Variants in GIPC1 observed in about 807,000 individuals in gnomAD.
GIPC1 encodes GIPC PDZ domain containing family member 1.
In GIPC1, 15 loss-of-function variants were observed where a neutral mutation model predicts 28.5. That is an observed-to-expected ratio of 0.53 (90% confidence interval 0.35 to 0.81). The LOEUF is 0.81. Ranked by LOEUF, GIPC1 falls within the 30% of genes least tolerant of loss-of-function variation. GIPC1 has a pLI of 0.01. For synonymous variants in GIPC1, 224 were observed against 206.1 expected (o/e 1.09, Z -0.74); for missense variants, 439 against 481.9 (o/e 0.91, Z 0.83).
In GIPC1 at chr19:14,478,527, C is replaced by G. The variant is rs200558472; in HGVS notation, c.891G>C (p.Pro297=). The stretch of plus-strand genomic sequence containing the variant: ...CGTCCAGGGCCTCGGCCAGCTCATC[C>G]GGGTTCCTTTTGTCCTTTCCCAGCT... The part of the protein sequence containing the change: ...MVELGKDKRN[P]DELAEALDER... The change falls in exon 9 of 9, where the codon CCG becomes CCC. Residue 297 remains proline (P), a synonymous_variant. Coordinates refer to ENST00000393033, the MANE Select transcript of GIPC1 (RefSeq NM_005716.4). This position sits in a 1 kb window ranked among gnomAD's most constrained non-coding sequence, Gnocchi z 5.2. The G allele has an allele frequency of 6.2e-7, 1 of 1,614,094 alleles. No individual in the cohort carries two copies. Among genetic ancestry groups the G allele is most frequent in the Non-Finnish European group, 8.5e-7 (1 of 1,180,014 alleles).
intron 6 of GIPC1, 33 bp downstream of exon 6, chr19:14,480,272 G>T: frequency 6.3e-7 from 1 of 1,580,242 alleles, no homozygotes; most frequent in Non-Finnish European, 8.7e-7. Flanking sequence ...TGCGAGCAGC[G>T]CCACTGGGGA....
chr19:14,489,568 G>A, intron 3 of GIPC1: 1 of 1,000,816 alleles, frequency 1.0e-6, no homozygotes, highest in Non-Finnish European at 1.6e-6. Context: ...TGGAATGGTG[G>A]AAATACGAGG....
chr19:14,494,479 T>C (rs905472923), intron 1 of GIPC1, among the ~76,000 whole-genome samples: 2 of 152,244 alleles, frequency 1.3e-5, no homozygotes, highest in African/African-American at 4.8e-5. Flanking sequence ...TCATAGCAGT[T>C]AGTGCCATCT....
At position 14,486,937 on chromosome 19, in the gene GIPC1, G is replaced by GCT. The variant is rs1430618306; in HGVS notation, c.-30-3933_-30-3932dup. On this transcript the variant is annotated intron_variant, in intron 3 of 8. Transcript: ENST00000393033. ...AGGCATGAGCCACCGCGCCCGGCCC[G>GCT]CTTCTTTATTTCTCTCTTTCTCCAT... Among the ~76,000 whole-genome samples the GCT allele has an allele frequency of 2.0e-5, 3 of 151,220 alleles. No homozygotes were observed. In the South Asian group the frequency reaches 6.3e-4, roughly 32 times the overall value.
chr19:14,482,786 A>G lies in GIPC1; in HGVS notation c.191T>C (p.Leu64Pro). The G allele has an allele frequency of 6.2e-7, 1 of 1,607,408 alleles. No individual in the cohort carries two copies. Among genetic ancestry groups the G allele is most frequent in the Non-Finnish European group, 8.5e-7 (1 of 1,177,306 alleles). ...LRPRLVFHTQ[L>P]AHGSPTGRIE... ...GCGGCCAGTGGGACTGCCATGGGCC[A>G]GCTGGGTGTGGAACACGAGGCGGGG... The change falls in exon 4 of 9, where the codon CTG becomes CCG. Residue 64 changes from leucine (L) to proline (P), a missense_variant. Physicochemically the swap from Leu to Pro is moderately conservative, Grantham distance 98. Transcript: ENST00000393033.
chr19:14,482,984 G>C lies in GIPC1; in HGVS notation c.-8C>G. ...CCCCAGTCCCAGCGGCATGAGCAGC[G>C]AGAAGTGGGGTCACCAGAAGATCTG... On this transcript the variant is annotated 5_prime_UTR_variant, in exon 4 of 9. Coordinates refer to ENST00000393033, the MANE Select transcript of GIPC1 (RefSeq NM_005716.4). 9 of 1,608,262 alleles carry C rather than the reference G, an allele frequency of 5.6e-6. No homozygotes were observed. The highest frequency in any genetic ancestry group is 7.6e-6 in the Non-Finnish European group (9 of 1,179,394).
intron 3 of GIPC1, among the ~76,000 whole-genome samples, chr19:14,486,845 G>GT (rs1182698028): frequency 6.6e-6 from 1 of 151,098 alleles, no homozygotes; most frequent in Non-Finnish European, 1.5e-5. Context: ...CCAAGTAGCT[G>GT]TGACTACAGA....
chr19:14,487,560 C>G (rs1446127221), intron 3 of GIPC1, among the ~76,000 whole-genome samples: 2 of 151,956 alleles, frequency 1.3e-5, no homozygotes, highest in African/African-American at 2.4e-5. Context: ...AATTCACTCA[C>G]AGATGCTATA....
Position 14,480,717 on chromosome 19 carries a change from A to G in GIPC1, c.350T>C (p.Ile117Thr). 6.2e-7 allele frequency: 1 copy of G among 1,613,976 alleles called. No homozygotes were observed. The highest frequency in any genetic ancestry group is 8.5e-7 in the Non-Finnish European group (1 of 1,179,828). Residue 117 changes from isoleucine (I) to threonine (T), a missense_variant, in exon 5 of 9, where the codon ATC (isoleucine) becomes ACC (threonine). By Grantham distance (89) the Ile-to-Thr change is moderately conservative (BLOSUM62 -1). Transcript: ENST00000393033. ...VDMDKLLGGQ[I>T]GLEDFIFAHV... is the part of the protein sequence containing the mutation. ...GGCGAAGATGAAGTCCTCCAGCCCG[A>G]TCTGGCCCCCCAGGAGCTTGTCCAT...
intron 3 of GIPC1, 135 bp from the exon 4 acceptor site, chr19:14,483,141 A>G: frequency 3.2e-6 from 2 of 618,602 alleles, no homozygotes; most frequent in South Asian, 2.0e-5. Context: ...TCTCTTGTAT[A>G]GTGACAGGAC....
chr19:14,481,451 G>A (rs62122611), intron 4 of GIPC1, among the ~76,000 whole-genome samples: 37,397 of 151,968 alleles, frequency 0.25, 5,439 homozygotes, highest in East Asian at 0.62. Context: ...TGCCAGGTGC[G>A]GTGGCTCACG....
At chr19:14,495,996 GC>G (rs2072069233) in intron 1 of GIPC1, 40 bp downstream of exon 1, 3 of 200,126 alleles carry the variant, frequency 1.5e-5, no homozygotes, top group East Asian at 1.3e-4. Context: ...GACCCCCGAG[GC>G]CCCCGGAGCA....
chr19:14,480,536 G>A (rs1401594024), intron 5 of GIPC1, 51 bp from the exon 6 acceptor site: 2 of 1,604,210 alleles, frequency 1.2e-6, no homozygotes, highest in African/African-American at 2.7e-5. Context: ...TGGTTTCCGG[G>A]GTCCCATGGC....
intron 6 of GIPC1, 23 bp downstream of exon 6, chr19:14,480,282 A>G: frequency 6.3e-7 from 1 of 1,596,514 alleles, no homozygotes. Context: ...GCCACTGGGG[A>G]GGTCCAGGGG....
At position 14,478,182 on chromosome 19, in the gene GIPC1, G is replaced by A. The variant is rs1208219976; in HGVS notation, c.*234C>T. 4.0e-6 allele frequency: 2 copies of A among 495,596 alleles called. No individual in the cohort carries two copies. Among genetic ancestry groups the A allele is most frequent in the Non-Finnish European group, 7.2e-6 (2 of 278,250 alleles). The allele number at this position is 495,596 out of a possible 1,614,324, so 30.7% of individuals were successfully genotyped here. On this transcript the variant is annotated 3_prime_UTR_variant, in exon 9 of 9. Transcript: ENST00000393033. The surrounding 1 kb of genome is among the most constrained non-coding windows in gnomAD (Gnocchi z 5.2). ...CCCTCCCTGTGCCTGACCCAGCTGA[G>A]GTAGGTGGGGAACAGGGCACAGGGG...
chr19:14,479,773 G>A, intron 6 of GIPC1: 1 of 422,924 alleles, frequency 2.4e-6, no homozygotes, highest in Non-Finnish European at 4.2e-6. Context: ...AGACTGGAGG[G>A]GCCACTTCTG....
chr19:14,487,616 C>T (rs1038418533), intron 3 of GIPC1, among the ~76,000 whole-genome samples: 2 of 151,598 alleles, frequency 1.3e-5, no homozygotes, highest in Non-Finnish European at 1.5e-5. Context: ...GTGGACAGTC[C>T]GGAAGAGGAA....
rs556072191 is a variant in GIPC1 at position 14,490,094 on chromosome 19, A to G, written c.-31+1562T>C. 4.6e-5 allele frequency among the ~76,000 whole-genome samples: 7 copies of G among 152,256 alleles called. No homozygotes were observed. The South Asian group carries it at 6.2e-4, about 14-fold the overall frequency. On this transcript the variant is annotated intron_variant, in intron 3 of 8. Transcript: ENST00000393033. ...GAACTTACAGTAGTTGGCCAGGTGCAGTGGCTCACACCTGTAATCCCTGCA... is the reference window on the plus strand; with the variant it reads ...GAACTTACAGTAGTTGGCCAGGTGCGGTGGCTCACACCTGTAATCCCTGCA...
chr19:14,487,375 G>C (rs2071871367), intron 3 of GIPC1, among the ~76,000 whole-genome samples: 1 of 151,876 alleles, frequency 6.6e-6, no homozygotes, highest in Non-Finnish European at 1.5e-5. Flanking sequence ...TGGGACTACA[G>C]GTGCACGCCA....
Sources: gnomAD v4.1 joint callset for allele counts (sites outside exome capture counted in the v4.1 genomes callset) on GRCh38, gnomAD v4.1.1 for gene constraint, Gnocchi (gnomAD v3.1) non-coding constraint, MANE v1.5 for transcripts, NCBI Gene and HGNC (gene_info 2026-07-23, HGNC 2026-07-21) for gene names.